The following GNPTAB variants were observed in gnomAD, a reference collection of about 807,000 sequenced individuals.
GNPTAB encodes N-acetylglucosamine-1-phosphotransferase subunits alpha/beta.
GNPTAB carries 92 observed loss-of-function variants against 136.6 expected under a neutral mutation model. The observed-to-expected ratio is 0.67, with a 90% CI of 0.57 to 0.80. The LOEUF (loss-of-function observed/expected upper bound fraction) is 0.80. Ranked by LOEUF, GNPTAB falls within the 30% of genes least tolerant of loss-of-function variation. GNPTAB has a pLI of 0.00. For missense variants in GNPTAB, 1,343 were observed against 1,501.8 expected (o/e 0.89, Z 1.75); for synonymous variants, 512 against 535.1 (o/e 0.96, Z 0.60).
intron 8 of GNPTAB, 55 bp downstream of exon 8, chr12:101,770,940 AT>A: frequency 5.2e-6 from 8 of 1,529,178 alleles, no homozygotes; most frequent in Non-Finnish European, 7.3e-6. Context: ...TAACTTACAC[AT>A]TTTTAACATC....
intron 1 of GNPTAB, among the ~76,000 whole-genome samples, chr12:101,821,180 T>A (rs139548083): frequency 6.6e-6 from 1 of 152,184 alleles, no homozygotes; most frequent in African/African-American, 2.4e-5. Flanking sequence ...CTCACAATAG[T>A]AATGAAGTGG....
At chr12:101,777,468 T>C (rs1352061001) in intron 7 of GNPTAB, among the ~76,000 whole-genome samples, 1 of 152,152 alleles carries the variant, frequency 6.6e-6, no homozygotes, top group Non-Finnish European at 1.5e-5. Context: ...GAAAACACCA[T>C]TTATGTTCAG....
Position 101,814,800 on chromosome 12 carries a change from G to A in GNPTAB, c.117+15759C>T, listed in dbSNP as rs760947855. On this transcript the variant is annotated intron_variant, in intron 1 of 20. Transcript: ENST00000299314. Reference sequence around the variant, plus strand: ...TTCAAAAATAAAAAAAGTGAGAAACGGTACTTTGTAATTTTTAAAAATCTC... The same window carrying A: ...TTCAAAAATAAAAAAAGTGAGAAACAGTACTTTGTAATTTTTAAAAATCTC... Among the ~76,000 whole-genome samples the A allele has an allele frequency of 3.9e-5, 6 of 152,082 alleles. No homozygotes were observed. In the South Asian group the frequency reaches 6.2e-4, roughly 16 times the overall value.
intron 5 of GNPTAB, chr12:101,785,759 A>G: frequency 2.2e-6 from 1 of 462,172 alleles, no homozygotes; most frequent in Non-Finnish European, 3.9e-6. Flanking sequence ...AGAACAAGGT[A>G]ATTGTGATAT....
At chr12:101,784,923 G>A (rs1332388418) in intron 5 of GNPTAB, among the ~76,000 whole-genome samples, 3 of 152,192 alleles carry the variant, frequency 2.0e-5, no homozygotes, top group African/African-American at 7.2e-5. Context: ...CAAGAGGCTA[G>A]AGCAGAAGAC....
At chr12:101,753,661 A>G in intron 18 of GNPTAB, 122 bp from the exon 19 acceptor site, 1 of 815,492 alleles carries the variant, frequency 1.2e-6, no homozygotes, top group Non-Finnish European at 2.1e-6. Context: ...ATATTTGCTG[A>G]TATGATTCTC....
In GNPTAB at chr12:101,785,780, G is replaced by A. The variant is rs146963536; in HGVS notation, c.571+232C>T. On this transcript the variant is annotated intron_variant, in intron 5 of 20. Transcript: ENST00000299314. ...AGGTAATTGTGATATCAGATTGAAA[G>A]TCCTCATCACAGCACAGAAAGGTAT... The A allele has an allele frequency of 2.9e-3, 1,485 of 503,814 alleles. 10 individuals are homozygous for A. Among genetic ancestry groups the A allele is most frequent in the Middle Eastern group, 0.024 (44 of 1,840 alleles). 31.2% of individuals were successfully genotyped at this position (503,814 alleles called of 1,614,324 possible). A position where few individuals can be genotyped will look rare whatever the true frequency, so the allele number is the denominator to read the frequency against.
intron 19 of GNPTAB, 53 bp from the exon 20 acceptor site, chr12:101,749,244 A>G (rs2137097913): frequency 5.0e-6 from 5 of 990,868 alleles, no homozygotes; most frequent in East Asian, 2.4e-5. Context: ...TTTCACTACC[A>G]TTAGTTAAGC....
In GNPTAB at chr12:101,764,644, G is replaced by A; in HGVS notation, c.2273C>T (p.Thr758Ile). 6.2e-7 allele frequency: 1 copy of A among 1,613,750 alleles called. No individual in the cohort carries two copies. The highest frequency in any genetic ancestry group is 8.5e-7 in the Non-Finnish European group (1 of 1,179,930). The change falls in exon 13 of 21, where the codon ACA (threonine) becomes ATA (isoleucine). Residue 758 changes from threonine (T) to isoleucine (I), a missense_variant. Thr to Ile is a moderately conservative substitution (Grantham distance 89). Coordinates refer to ENST00000299314, the MANE Select transcript of GNPTAB (RefSeq NM_024312.5). ...CTGTGGAGCCACCAAACTGTCATTT[G>A]TTTCATCTGTTATTATAGCTTGATT... Reference protein sequence around the residue: ...IKNQAIITDETNDSLVAPQEK... With the variant: ...IKNQAIITDEINDSLVAPQEK...
At chr12:101,780,672 A>C in intron 5 of GNPTAB, 51 bp from the exon 6 acceptor site, 2 of 1,140,680 alleles carry the variant, frequency 1.8e-6, no homozygotes, top group Non-Finnish European at 2.7e-6. Context: ...ATACTCAACT[A>C]TGGTGTCTGG....
chr12:101,811,123 C>G (rs1265715792), intron 1 of GNPTAB, among the ~76,000 whole-genome samples: 1 of 152,178 alleles, frequency 6.6e-6, no homozygotes, highest in East Asian at 1.9e-4. Flanking sequence ...CAAGTCCAAC[C>G]CCAATCAGTT....
rs549036284 is a variant in GNPTAB, at chr12:101,771,269, C to T, written c.772-112G>A. ...TCCTTTTTTTTTTTTTTTTGAGACA[C>T]AGTCTCGCTCTGTCGCCAGGCTGGA... is the stretch of plus-strand genomic sequence containing the variant. On this transcript the variant is annotated intron_variant, in intron 7 of 20. Coordinates refer to ENST00000299314, the MANE Select transcript of GNPTAB (RefSeq NM_024312.5). 110 of 914,346 alleles carry T rather than the reference C, an allele frequency of 1.2e-4. No individual in the cohort carries two copies. In the South Asian group the frequency reaches 1.5e-3, roughly 12 times the overall value. 56.6% of individuals were successfully genotyped at this position (914,346 alleles called of 1,614,324 possible).
chr12:101,816,348 T>TA (rs1566099553), intron 1 of GNPTAB, among the ~76,000 whole-genome samples: 3 of 152,050 alleles, frequency 2.0e-5, no homozygotes, highest in Non-Finnish European at 4.4e-5. Flanking sequence ...CTCAATGGCA[T>TA]AAAAAAACCC....
chr12:101,760,611 C>A (rs769044504), intron 15 of GNPTAB, among the ~76,000 whole-genome samples: 1 of 152,034 alleles, frequency 6.6e-6, no homozygotes, highest in Non-Finnish European at 1.5e-5. Flanking sequence ...CTACTGAAAA[C>A]CTGCAAAAAG....
intron 1 of GNPTAB, among the ~76,000 whole-genome samples, chr12:101,815,782 T>C (rs922824166): frequency 6.6e-6 from 1 of 152,176 alleles, no homozygotes; most frequent in African/African-American, 2.4e-5. Context: ...GGCATCACAC[T>C]ACCTGACTTC....
rs1223998623 is a variant in GNPTAB, at chr12:101,764,814, T to C, written c.2103A>G (p.Ser701=). The change falls in exon 13 of 21, where the codon TCA becomes TCG. Residue 701 remains serine (S), a synonymous_variant. Coordinates refer to ENST00000299314, the MANE Select transcript of GNPTAB (RefSeq NM_024312.5). The part of the protein sequence containing the change: ...EEVKIPLVNI[S]LLPKDAQLSL... Reference sequence around the variant, plus strand: ...TCAACTGGGCGTCTTTTGGAAGGAGTGAAATATTTACCAGGGGAATTTTCA... The same window carrying C: ...TCAACTGGGCGTCTTTTGGAAGGAGCGAAATATTTACCAGGGGAATTTTCA... 1.4e-5 allele frequency: 22 copies of C among 1,613,932 alleles called. No individual in the cohort carries two copies. The highest frequency in any genetic ancestry group is 1.9e-5 in the Non-Finnish European group (22 of 1,180,006).
intron 7 of GNPTAB, chr12:101,779,923 T>C: frequency 8.9e-6 from 5 of 560,968 alleles, no homozygotes; most frequent in Non-Finnish European, 1.6e-5. Flanking sequence ...AGCTCATCTG[T>C]TAAACAAATG....
At chr12:101,826,033 T>C (rs1871070738) in intron 1 of GNPTAB, among the ~76,000 whole-genome samples, 1 of 152,210 alleles carries the variant, frequency 6.6e-6, no homozygotes, top group African/African-American at 2.4e-5. Flanking sequence ...ATCTGTTTAA[T>C]GAGTGAACTA....
chr12:101,784,683 A>C (rs1868532506), intron 5 of GNPTAB, among the ~76,000 whole-genome samples: 1 of 151,820 alleles, frequency 6.6e-6, no homozygotes, highest in South Asian at 2.1e-4. Flanking sequence ...TCATGTGGAA[A>C]AAAAAAAAAA....
Sources: gnomAD v4.1 joint callset for allele counts (sites outside exome capture counted in the v4.1 genomes callset) on GRCh38, gnomAD v4.1.1 for gene constraint, MANE v1.5 for transcripts, NCBI Gene and HGNC (gene_info 2026-07-23, HGNC 2026-07-21) for gene names.